The following PDE1C variants were observed in gnomAD, a reference collection of about 807,000 sequenced individuals.
PDE1C encodes phosphodiesterase 1C, also known as dual specificity calcium/calmodulin-dependent 3',5'-cyclic nucleotide phosphodiesterase 1C.
Under a neutral mutation model 93.1 loss-of-function variants are expected in PDE1C, and 62 were observed. The ratio of observed to expected loss-of-function variants is 0.67; its 90% CI spans 0.54 to 0.82. The LOEUF is 0.82. Ranked by LOEUF, PDE1C falls within the 40% of genes least tolerant of loss-of-function variation. The pLI is 0.00. For synonymous variants in PDE1C, 325 were observed against 310.1 expected (o/e 1.05, Z -0.50); for missense variants, 742 against 884.6 (o/e 0.84, Z 2.04).
intron 2 of PDE1C, among the ~76,000 whole-genome samples, chr7:32,170,255 A>T (rs1802557838): frequency 6.6e-6 from 1 of 152,068 alleles, no homozygotes; most frequent in Non-Finnish European, 1.5e-5. Context: ...TTTATTCAGC[A>T]GTTGGAAATA....
Position 32,297,986 on chromosome 7 carries a change from TCTCTCTCTCTCC to T in PDE1C, c.85+653_85+664del, listed in dbSNP as rs1562660008. ...CTCTCTCTCTCTCTCTCTCTCTCTC[TCTCTCTCTCTCC>T]TCTCTCTCTCTCTCTCTCCCTCTCT... On this transcript the variant is annotated intron_variant, in intron 1 of 18. Coordinates refer to the PDE1C transcript ENST00000396193. Among the ~76,000 whole-genome samples, 384 of 56,068 alleles carry T rather than the reference TCTCTCTCTCTCC, an allele frequency of 6.8e-3. 13 individuals are homozygous for T. The highest frequency in any genetic ancestry group is 0.043 in the Middle Eastern group (4 of 94). The allele number at this position is 56,068 out of a possible 152,430, so 36.8% of individuals were successfully genotyped here. A position where few individuals can be genotyped will look rare whatever the true frequency, so the allele number is the denominator to read the frequency against.
At chr7:31,851,666 T>C (rs1036592115) in intron 7 of PDE1C, among the ~76,000 whole-genome samples, 1 of 152,230 alleles carries the variant, frequency 6.6e-6, no homozygotes, top group African/African-American at 2.4e-5. Context: ...TTCAGTATGA[T>C]TTATTCTAAA....
intron 8 of PDE1C, among the ~76,000 whole-genome samples, 191 bp downstream of exon 8, chr7:31,850,450 G>A (rs996837688): frequency 2.6e-5 from 4 of 152,098 alleles, no homozygotes; most frequent in African/African-American, 9.7e-5. Flanking sequence ...GGAGAATTAG[G>A]AGCAGATGGC....
the PDE1C span, among the ~76,000 whole-genome samples, chr7:31,685,745 G>A: frequency 6.6e-6 from 1 of 152,096 alleles, no homozygotes; most frequent in African/African-American, 2.4e-5. Context: ...AGAAGATAAA[G>A]CAGGCAGTTT....
At chr7:31,651,036 G>A in the PDE1C span, 142 of 1,321,616 alleles carry the variant, frequency 1.1e-4, 1 homozygote, top group South Asian at 2.1e-3. Context: ...AGTAGGGCCT[G>A]TTTGCGAAAA....
intron 1 of PDE1C, among the ~76,000 whole-genome samples, chr7:32,414,994 T>C (rs1270057095): frequency 6.6e-6 from 1 of 152,238 alleles, no homozygotes; most frequent in African/African-American, 2.4e-5. Context: ...GACCTTTTTC[T>C]AGCCCCTTCA....
At chr7:31,939,520 CAAAT>C (rs1805540262) in intron 2 of PDE1C, among the ~76,000 whole-genome samples, 1 of 151,760 alleles carries the variant, frequency 6.6e-6, no homozygotes, top group African/African-American at 2.4e-5. Flanking sequence ...TCTTATGAGA[CAAAT>C]AAGAAGTTAA....
chr7:32,056,962 G>T (rs1390786505), intron 1 of PDE1C, among the ~76,000 whole-genome samples: 1 of 152,096 alleles, frequency 6.6e-6, no homozygotes, highest in African/African-American at 2.4e-5. Context: ...GGGGCCGTGT[G>T]CCTGCCTGTA....
At chr7:31,895,580 T>TCTCTCTCTC in intron 2 of PDE1C, among the ~76,000 whole-genome samples, 1 of 144,918 alleles carries the variant, frequency 6.9e-6, no homozygotes, top group African/African-American at 2.6e-5. Context: ...TTTCTCTCTT[T>TCTCTCTCTC]TCTCTCTCTC....
chr7:31,685,684 G>A, the PDE1C span, among the ~76,000 whole-genome samples: 6 of 152,250 alleles, frequency 3.9e-5, no homozygotes, highest in East Asian at 1.2e-3. Flanking sequence ...AAACCTGCAC[G>A]TCCTGCACAT....
At chr7:31,671,831 A>T in the PDE1C span, among the ~76,000 whole-genome samples, 2 of 152,310 alleles carry the variant, frequency 1.3e-5, no homozygotes, top group South Asian at 4.1e-4. Flanking sequence ...CCAGAGATCT[A>T]ATAGAACACC....
chr7:31,986,929 A>AACACAC lies in PDE1C; in HGVS notation c.128+64619_128+64624dup, dbSNP rs10551724. 1.6e-4 allele frequency among the ~76,000 whole-genome samples: 24 copies of AACACAC among 149,890 alleles called. 1 individual carries two copies. Among genetic ancestry groups the AACACAC allele is most frequent in the African/African-American group, 3.4e-4 (14 of 40,844 alleles). On this transcript the variant is annotated intron_variant, in intron 2 of 17. Coordinates refer to ENST00000396191, the MANE Select transcript of PDE1C (RefSeq NM_001191057.4). Reference sequence around the variant, plus strand: ...ACTTATAGAGTTTTCATTGAACACGAACACACACACACACACACACACACA... The same window carrying AACACAC: ...ACTTATAGAGTTTTCATTGAACACGAACACACACACACACACACACACACACACACA...
chr7:31,624,337 C>A, the PDE1C span, among the ~76,000 whole-genome samples: 6 of 145,614 alleles, frequency 4.1e-5, no homozygotes, highest in South Asian at 2.3e-4. Context: ...CAAAAGAACA[C>A]AGCTGGAGGC....
At chr7:32,163,284 TATC>T (rs1484067365) in intron 3 of PDE1C, among the ~76,000 whole-genome samples, 1 of 152,166 alleles carries the variant, frequency 6.6e-6, no homozygotes, top group African/African-American at 2.4e-5. Context: ...CACCATGCCA[TATC>T]ATCAGCCAGA....
At chr7:31,898,020 TTGTGTG>T (rs140101637) in intron 2 of PDE1C, among the ~76,000 whole-genome samples, 1,712 of 146,024 alleles carry the variant, frequency 0.012, 32 homozygotes, top group African/African-American at 0.038. Flanking sequence ...TTTGGTTTCT[TTGTGTG>T]TGTGTGTGTG....
intron 1 of PDE1C, among the ~76,000 whole-genome samples, chr7:32,263,485 C>T (rs1810363846): frequency 6.6e-6 from 1 of 152,118 alleles, no homozygotes; most frequent in Admixed American, 6.5e-5. Context: ...ACTTAAGGTT[C>T]TATTTCCTAA....
chr7:32,299,297 A>C (rs1239252477), exon 1 of PDE1C: 11 of 985,744 alleles, frequency 1.1e-5, no homozygotes, highest in Non-Finnish European at 1.2e-5. Flanking sequence ...CAGCCATGAG[A>C]TGTTGCCGAA....
chr7:31,641,234 G>A, the PDE1C span, among the ~76,000 whole-genome samples: 1 of 152,176 alleles, frequency 6.6e-6, no homozygotes, highest in Non-Finnish European at 1.5e-5. Flanking sequence ...AGTTGTTCAA[G>A]CAAAGGCAAA....
chr7:32,052,420 C>T (rs1388619987), intron 1 of PDE1C: 8 of 448,926 alleles, frequency 1.8e-5, no homozygotes, highest in Non-Finnish European at 3.6e-5. Context: ...TCCCAATATC[C>T]CAAAGTTCTT....
Sources: gnomAD v4.1 joint callset for allele counts (sites outside exome capture counted in the v4.1 genomes callset) on GRCh38, gnomAD v4.1.1 for gene constraint, MANE v1.5 for transcripts, NCBI Gene and HGNC (gene_info 2026-07-23, HGNC 2026-07-21) for gene names.